The following TMEM87A variants were observed in gnomAD, a reference collection of about 807,000 sequenced individuals.
TMEM87A encodes the protein Golgi-pH regulating cation channel.
A neutral mutation model predicts 90.0 loss-of-function variants in TMEM87A; 50 were observed. The observed-to-expected ratio is 0.56, with a 90% CI of 0.44 to 0.70. The LOEUF (loss-of-function observed/expected upper bound fraction) is 0.70. Ranked by LOEUF, TMEM87A falls within the 30% of genes least tolerant of loss-of-function variation. The probability of loss-of-function intolerance (pLI) is 0.00; values close to 1 mark genes in which losing one functional copy is unlikely to be tolerated. For missense variants in TMEM87A, 577 were observed against 660.5 expected, an observed-to-expected ratio of 0.87 and a Z score of 1.39; for synonymous variants, 226 against 226.7, an observed-to-expected ratio of 1.00 and a Z score of 0.03.
intron 10 of TMEM87A, among the ~76,000 whole-genome samples, chr15:42,235,601 G>A (rs1254224843): frequency 6.6e-6 from 1 of 152,072 alleles, no homozygotes; most frequent in African/African-American, 2.4e-5. Flanking sequence ...AAATTCCACT[G>A]GTTCCACCTT....
intron 13 of TMEM87A, among the ~76,000 whole-genome samples, chr15:42,228,371 TAAAAC>T (rs2050632483): frequency 6.6e-6 from 1 of 152,154 alleles, no homozygotes; most frequent in African/African-American, 2.4e-5. Context: ...AACTATTTAA[TAAAAC>T]TAAACAAACA....
At chr15:42,255,970 A>C (rs1301042493) in intron 6 of TMEM87A, among the ~76,000 whole-genome samples, 2 of 144,732 alleles carry the variant, frequency 1.4e-5, no homozygotes, top group Non-Finnish European at 3.0e-5. Flanking sequence ...AGTAGAGATG[A>C]GGTTTCACCA....
chr15:42,220,032 G>A (rs757642689), intron 16 of TMEM87A, 30 bp downstream of exon 16: 1 of 1,529,666 alleles, frequency 6.5e-7, no homozygotes. Flanking sequence ...AATATTTAAA[G>A]TACTAATAAG....
intron 15 of TMEM87A, among the ~76,000 whole-genome samples, chr15:42,222,060 T>A (rs1391797491): frequency 6.6e-6 from 1 of 151,460 alleles, no homozygotes; most frequent in African/African-American, 2.4e-5. Context: ...TGGCCAAATG[T>A]TTTTTTGGTT....
At chr15:42,237,646 G>C in intron 8 of TMEM87A, 31 bp from the exon 9 acceptor site, 1 of 1,520,040 alleles carries the variant, frequency 6.6e-7, no homozygotes. Flanking sequence ...AGATAAAAAG[G>C]AGAATTAGGG....
intron 6 of TMEM87A, among the ~76,000 whole-genome samples, chr15:42,248,648 G>A (rs867701403): frequency 6.6e-6 from 1 of 152,122 alleles, no homozygotes; most frequent in African/African-American, 2.4e-5. Context: ...TGATCTTGGT[G>A]GACATGCTTT....
chr15:42,254,733 G>C, intron 6 of TMEM87A, among the ~76,000 whole-genome samples: 1 of 152,202 alleles, frequency 6.6e-6, no homozygotes, highest in Non-Finnish European at 1.5e-5. Flanking sequence ...AGAGCACAGA[G>C]GATTTTTAGG....
chr15:42,230,261 G>A (rs1347019016), intron 12 of TMEM87A, among the ~76,000 whole-genome samples: 2 of 152,174 alleles, frequency 1.3e-5, no homozygotes, highest in African/African-American at 2.4e-5. Context: ...TTCTCTCAAC[G>A]CTTGCAGAGG....
chr15:42,240,483 A>G (rs879531636), intron 7 of TMEM87A, among the ~76,000 whole-genome samples: 1 of 152,248 alleles, frequency 6.6e-6, no homozygotes. Flanking sequence ...AACATTTTTC[A>G]AAGAATTTGT....
At chr15:42,268,076 C>T in intron 2 of TMEM87A, 44 bp from the exon 3 acceptor site, 1 of 1,553,208 alleles carries the variant, frequency 6.4e-7, no homozygotes, top group Non-Finnish European at 8.9e-7. Context: ...AATTCCCCAA[C>T]AAAGCATTTT....
chr15:42,231,815 C>T, intron 11 of TMEM87A: 1 of 1,144,850 alleles, frequency 8.7e-7, no homozygotes. Flanking sequence ...CCCTAATTAC[C>T]CAATCAACAG....
At chr15:42,228,949 C>T (rs1287645613) in intron 12 of TMEM87A, 129 bp from the exon 13 acceptor site, 3 of 573,846 alleles carry the variant, frequency 5.2e-6, no homozygotes, top group Non-Finnish European at 9.2e-6. Context: ...TTATAGCTCT[C>T]TTATTCTCAC....
chr15:42,239,865 A>G, intron 7 of TMEM87A, 134 bp from the exon 8 acceptor site: 1 of 740,830 alleles, frequency 1.3e-6, no homozygotes, highest in Non-Finnish European at 2.4e-6. Context: ...ATCCTGGTCA[A>G]TATTACATTA....
intron 7 of TMEM87A, among the ~76,000 whole-genome samples, 161 bp downstream of exon 7, chr15:42,243,889 T>C (rs1442275553): frequency 6.6e-6 from 1 of 152,158 alleles, no homozygotes. Flanking sequence ...TAGTTCAGAA[T>C]ACTGAAAACA....
rs1357389492 is a variant in TMEM87A at position 42,261,196 on chromosome 15, C to G, written c.459G>C (p.Glu153Asp). Reference protein sequence around the residue: ...HRLPLLGEKQEAKENGTNLTF... With the variant: ...HRLPLLGEKQDAKENGTNLTF... ...AGAAATATATAATGAAAACAATTAC[C>G]TCCTGTTTTTCTCCTAAAAGAGGCA... Residue 153 changes from glutamate (E) to aspartate (D), a missense_variant and splice_region_variant, in exon 5 of 20, where the codon GAG becomes GAC. Glu to Asp is a conservative substitution (Grantham distance 45). Coordinates refer to ENST00000389834, the MANE Select transcript of TMEM87A (RefSeq NM_015497.5). The G allele has an allele frequency of 6.2e-7, 1 of 1,612,904 alleles. No homozygotes were observed. The highest frequency in any genetic ancestry group is 8.5e-7 in the Non-Finnish European group (1 of 1,179,516).
chr15:42,229,889 G>A (rs1189010894), intron 12 of TMEM87A, among the ~76,000 whole-genome samples: 4 of 152,100 alleles, frequency 2.6e-5, no homozygotes, highest in East Asian at 1.9e-4. Context: ...GCAGCGGTGC[G>A]ATCTCGGCTC....
chr15:42,243,512 A>AT (rs375255055), intron 7 of TMEM87A, among the ~76,000 whole-genome samples: 13,231 of 129,558 alleles, frequency 0.1, 1,064 homozygotes, highest in African/African-American at 0.19. Context: ...ATGTTAATTA[A>AT]TTTTTTTTTT....
chr15:42,258,740 T>G, intron 6 of TMEM87A: 1 of 1,403,584 alleles, frequency 7.1e-7, no homozygotes, highest in East Asian at 2.7e-5. Flanking sequence ...ATGGCTATCT[T>G]TTGTTTAAAA....
At chr15:42,225,326 A>G (rs985598199) in intron 15 of TMEM87A, among the ~76,000 whole-genome samples, 1 of 152,178 alleles carries the variant, frequency 6.6e-6, no homozygotes, top group Non-Finnish European at 1.5e-5. Flanking sequence ...GCATAATCAC[A>G]AAATAAAGCT....
Sources: allele counts gnomAD v4.1 joint callset (sites outside exome capture counted in the v4.1 genomes callset), GRCh38; gene constraint gnomAD v4.1.1; transcripts MANE v1.5; gene names NCBI Gene and HGNC (gene_info 2026-07-23, HGNC 2026-07-21).